The following DYM variants were observed in gnomAD, a reference collection of about 807,000 sequenced individuals.
DYM encodes the protein dyggve-Melchior-Clausen syndrome protein.
A neutral mutation model predicts 93.1 loss-of-function variants in DYM; 78 were observed. That is an observed-to-expected ratio of 0.84 (90% CI 0.70 to 1.01). DYM has a LOEUF of 1.01. Among genes scored for constraint, DYM ranks in the 50% least tolerant of loss-of-function variants. The pLI, the probability that DYM is intolerant of heterozygous loss-of-function variation, is 0.00. For missense variants in DYM, 789 were observed against 845.0 expected (o/e 0.93, Z 0.82); for synonymous variants, 321 against 319.7 (o/e 1.00, Z -0.04).
At chr18:49,166,167 T>C (rs1229012906) in intron 14 of DYM, among the ~76,000 whole-genome samples, 1 of 152,196 alleles carries the variant, frequency 6.6e-6, no homozygotes, top group African/African-American at 2.4e-5. Context: ...ATTAAGTTTA[T>C]TGTGTATGAT....
intron 17 of DYM, among the ~76,000 whole-genome samples, chr18:49,047,790 A>G (rs1334597788): frequency 6.6e-6 from 1 of 152,110 alleles, no homozygotes; most frequent in Non-Finnish European, 1.5e-5. Flanking sequence ...AGAGGTACCA[A>G]CACGATGATG....
At chr18:49,131,076 T>TA (rs1568468692) in intron 15 of DYM, among the ~76,000 whole-genome samples, 1 of 152,210 alleles carries the variant, frequency 6.6e-6, no homozygotes, top group Non-Finnish European at 1.5e-5. Context: ...GCGTAGCAGA[T>TA]AAAGAGTGTT....
chr18:49,346,822 T>G (rs1418711250), intron 6 of DYM, among the ~76,000 whole-genome samples: 1 of 152,214 alleles, frequency 6.6e-6, no homozygotes, highest in Non-Finnish European at 1.5e-5. Flanking sequence ...TAACTGAATA[T>G]ACAGATGCTC....
chr18:49,204,218 C>T (rs1298641783), intron 14 of DYM, among the ~76,000 whole-genome samples: 1 of 152,182 alleles, frequency 6.6e-6, no homozygotes, highest in African/African-American at 2.4e-5. Context: ...TGTTAACATG[C>T]TTTACTTTAT....
At chr18:49,331,834 A>G (rs2063326275) in intron 8 of DYM, 30 bp downstream of exon 8, 2 of 1,613,578 alleles carry the variant, frequency 1.2e-6, no homozygotes, top group East Asian at 4.5e-5. Flanking sequence ...TATGTGCACC[A>G]AAGAATTGAA....
rs1004136597 is a variant in DYM at position 49,440,079 on chromosome 18, T to C, written c.-53-9632A>G. Reference sequence around the variant, plus strand: ...AAAACATGATATGCTCAATATTTTATATTTGTGAAATATTTGATAAATACA... The same window carrying C: ...AAAACATGATATGCTCAATATTTTACATTTGTGAAATATTTGATAAATACA... On this transcript the variant is annotated intron_variant, in intron 1 of 17. Transcript: ENST00000675505. 5.3e-5 allele frequency among the ~76,000 whole-genome samples: 7 copies of C among 131,094 alleles called. 2 individuals carry two copies. The highest frequency in any genetic ancestry group is 1.8e-4 in the African/African-American group (7 of 38,460). 86.0% of individuals were successfully genotyped at this position (131,094 alleles called of 152,430 possible).
At chr18:49,378,086 T>C (rs1256897712) in intron 5 of DYM, among the ~76,000 whole-genome samples, 1 of 152,216 alleles carries the variant, frequency 6.6e-6, no homozygotes, top group Non-Finnish European at 1.5e-5. Context: ...AAACTGTCCT[T>C]GAAAATGTTA....
At chr18:49,141,711 T>C (rs80149155) in intron 15 of DYM, among the ~76,000 whole-genome samples, 2,124 of 152,322 alleles carry the variant, frequency 0.014, 51 homozygotes, top group African/African-American at 0.048. Flanking sequence ...ATTATGTCCC[T>C]GTTATTTTAG....
chr18:49,257,929 A>G (rs2094421013), intron 12 of DYM, among the ~76,000 whole-genome samples: 1 of 151,978 alleles, frequency 6.6e-6, no homozygotes, highest in African/African-American at 2.4e-5. Context: ...ATACATTTCT[A>G]TTAACCAGAA....
chr18:49,420,416 G>A (rs1203115464), intron 2 of DYM, among the ~76,000 whole-genome samples: 1 of 152,114 alleles, frequency 6.6e-6, no homozygotes, highest in Non-Finnish European at 1.5e-5. Flanking sequence ...TGATCCACCT[G>A]CCTCGGTCTC....
intron 15 of DYM, among the ~76,000 whole-genome samples, chr18:49,159,550 T>C (rs566927115): frequency 1.3e-5 from 2 of 152,316 alleles, no homozygotes; most frequent in South Asian, 4.1e-4. Flanking sequence ...ATAAATTTCA[T>C]ATGGATGGCT....
intron 15 of DYM, among the ~76,000 whole-genome samples, chr18:49,162,415 T>A (rs2087270380): frequency 6.6e-6 from 1 of 152,196 alleles, no homozygotes; most frequent in Non-Finnish European, 1.5e-5. Context: ...ACACAGTGCA[T>A]GCTAACATGC....
intron 15 of DYM, among the ~76,000 whole-genome samples, chr18:49,120,212 A>C (rs1460327262): frequency 6.6e-6 from 1 of 152,174 alleles, no homozygotes; most frequent in African/African-American, 2.4e-5. Flanking sequence ...AACCAACTAA[A>C]AACAGAAAGT....
intron 1 of DYM, among the ~76,000 whole-genome samples, chr18:49,454,973 C>T (rs2082855489): frequency 1.3e-5 from 2 of 148,476 alleles, no homozygotes; most frequent in Admixed American, 6.8e-5. Flanking sequence ...GGACCTCTCT[C>T]TCTCTCTCTC....
At chr18:49,412,724 C>A (rs541926075) in intron 2 of DYM, among the ~76,000 whole-genome samples, 1 of 152,014 alleles carries the variant, frequency 6.6e-6, no homozygotes, top group Non-Finnish European at 1.5e-5. Context: ...ATAAAGTGTG[C>A]CAAAGAGCCT....
intron 8 of DYM, among the ~76,000 whole-genome samples, chr18:49,317,692 T>C (rs4567803): frequency 0.31 from 11,991 of 38,320 alleles, 2,168 homozygotes; most frequent in East Asian, 0.41. Flanking sequence ...TTCCTTCCTT[T>C]CTTTCTTTCT....
intron 15 of DYM, chr18:49,126,068 A>G (rs1238324104): frequency 6.6e-6 from 1 of 152,240 alleles, no homozygotes; most frequent in Non-Finnish European, 1.5e-5. Context: ...TAAGATACAT[A>G]AGTATTTATA....
intron 8 of DYM, among the ~76,000 whole-genome samples, chr18:49,310,827 A>G (rs1268840438): frequency 6.6e-6 from 1 of 152,192 alleles, no homozygotes; most frequent in Non-Finnish European, 1.5e-5. Flanking sequence ...TTCTAGCCAA[A>G]TGTTGTTCAA....
rs553239764 is a variant in DYM at position 49,233,908 on chromosome 18, C to T, written c.1460+23102G>A. On this transcript the variant is annotated intron_variant, in intron 13 of 17. Coordinates refer to ENST00000675505, the MANE Select transcript of DYM (RefSeq NM_001353214.3). Reference sequence around the variant, plus strand: ...TTGGGAGGCCGAGGCGGGTGGATCACGAGGTCAAGAGATCGAGACCATCCT... The same window carrying T: ...TTGGGAGGCCGAGGCGGGTGGATCATGAGGTCAAGAGATCGAGACCATCCT... 3.9e-4 allele frequency among the ~76,000 whole-genome samples: 60 copies of T among 152,022 alleles called. 1 individual carries two copies. The highest frequency in any genetic ancestry group is 1.3e-3 in the African/African-American group (55 of 41,460).
Sources: allele counts gnomAD v4.1 joint callset (sites outside exome capture counted in the v4.1 genomes callset), GRCh38; gene constraint gnomAD v4.1.1; transcripts MANE v1.5; gene names NCBI Gene and HGNC (gene_info 2026-07-23, HGNC 2026-07-21).